Variants in CETP observed in about 807,000 individuals in gnomAD.
CETP encodes the protein BPI fold containing family F.
A neutral mutation model predicts 66.5 loss-of-function variants in CETP; 56 were observed. That is an observed-to-expected ratio of 0.84 (90% CI 0.68 to 1.05). The LOEUF (loss-of-function observed/expected upper bound fraction) is 1.05. Among genes scored for constraint, CETP ranks in the 50% least tolerant of loss-of-function variants. The pLI is 0.00. For missense variants in CETP, 612 were observed against 609.6 expected (o/e 1.00, Z -0.04); for synonymous variants, 251 against 245.7 (o/e 1.02, Z -0.20).
chr16:56,962,599 G>A (rs1273784598), intron 1 of CETP, among the ~76,000 whole-genome samples: 1 of 152,124 alleles, frequency 6.6e-6, no homozygotes, highest in Non-Finnish European at 1.5e-5. Context: ...GGTATAGGGA[G>A]GCTAAATGAT....
At chr16:56,972,375 C>T (rs895192543) in intron 8 of CETP, among the ~76,000 whole-genome samples, 1 of 107,522 alleles carries the variant, frequency 9.3e-6, no homozygotes, top group Non-Finnish European at 2.0e-5. Flanking sequence ...TCCTCTACAG[C>T]AGTGGATTGT....
At position 56,981,243 on chromosome 16, in the gene CETP, G is replaced by A. The variant is rs754973901; in HGVS notation, c.1214+18G>A. The stretch of plus-strand genomic sequence containing the variant: ...GATTTCCAGTATGTGCTGCAGAGAA[G>A]AGAGGGGGCGGTCAACTCCGCAAAC... On this transcript the variant is annotated intron_variant, in intron 12 of 15. Coordinates refer to ENST00000200676, the MANE Select transcript of CETP (RefSeq NM_000078.3). The A allele has an allele frequency of 1.3e-5, 21 of 1,600,090 alleles. No individual in the cohort carries two copies. Among genetic ancestry groups the A allele is most frequent in the African/African-American group, 1.3e-5 (1 of 74,626 alleles).
intron 2 of CETP, among the ~76,000 whole-genome samples, chr16:56,967,347 CAA>C (rs61654639): frequency 7.4e-6 from 1 of 135,762 alleles, no homozygotes; most frequent in East Asian, 2.1e-4. Context: ...TTCTGTCACA[CAA>C]ACAAACAAAC....
intron 11 of CETP, among the ~76,000 whole-genome samples, chr16:56,978,674 C>T (rs1382976130): frequency 6.6e-6 from 1 of 151,894 alleles, no homozygotes; most frequent in Non-Finnish European, 1.5e-5. Context: ...TCCTTAGAGG[C>T]GGGGTCTTGT....
At chr16:56,962,763 T>C (rs2056033364) in intron 1 of CETP, among the ~76,000 whole-genome samples, 1 of 152,086 alleles carries the variant, frequency 6.6e-6, no homozygotes, top group Non-Finnish European at 1.5e-5. Flanking sequence ...GGGGTTCCCA[T>C]GTGTCAGGAT....
intron 10 of CETP, among the ~76,000 whole-genome samples, chr16:56,976,061 C>A (rs1191871969): frequency 6.6e-6 from 1 of 152,240 alleles, no homozygotes; most frequent in Non-Finnish European, 1.5e-5. Flanking sequence ...ATTGGGCAGG[C>A]CCCTGACCGG....
chr16:56,976,772 T>G (rs1265409507), intron 10 of CETP, among the ~76,000 whole-genome samples: 2 of 152,210 alleles, frequency 1.3e-5, no homozygotes, highest in African/African-American at 4.8e-5. Context: ...CTCTGTCGTG[T>G]TTTCCATCTC....
In CETP at chr16:56,963,004, C is replaced by CTT; in HGVS notation, c.119-5_119-4insTT. On this transcript the variant is annotated splice_polypyrimidine_tract_variant and splice_region_variant and intron_variant, in intron 1 of 15. Coordinates refer to ENST00000200676, the MANE Select transcript of CETP (RefSeq NM_000078.3). The stretch of plus-strand genomic sequence containing the variant: ...GCAGCCCCTCATCCACTGCCCTCCC[C>CTT]TCTAGTGAACCACGAGACTGCCAAG... 1 of 1,613,044 alleles carries CTT rather than the reference C, an allele frequency of 6.2e-7. No homozygotes were observed. Among genetic ancestry groups the CTT allele is most frequent in the Admixed American group, 1.7e-5 (1 of 60,012 alleles).
At chr16:56,965,230 G>C (rs932214074) in intron 2 of CETP, among the ~76,000 whole-genome samples, 2 of 152,210 alleles carry the variant, frequency 1.3e-5, no homozygotes, top group African/African-American at 4.8e-5. Context: ...CCATAGACTA[G>C]ATGTCATAGT....
In CETP at chr16:56,981,925, A is replaced by G. The variant is rs181367893; in HGVS notation, c.1249-240A>G. On this transcript the variant is annotated intron_variant, in intron 13 of 15. Coordinates refer to ENST00000200676, the MANE Select transcript of CETP (RefSeq NM_000078.3). ...TTAGGCAGAACAGTACTGGCCAAGCAGCGCCTCCCTGGACCTCAATTTTCC... is the reference window on the plus strand; with the variant it reads ...TTAGGCAGAACAGTACTGGCCAAGCGGCGCCTCCCTGGACCTCAATTTTCC... Among the ~76,000 whole-genome samples the G allele has an allele frequency of 5.1e-4, 77 of 152,292 alleles. 1 individual carries two copies. The highest frequency in any genetic ancestry group is 9.0e-4 in the Non-Finnish European group (61 of 68,022).
chr16:56,966,197 C>T (rs1197098435), intron 2 of CETP, among the ~76,000 whole-genome samples: 6 of 152,240 alleles, frequency 3.9e-5, no homozygotes, highest in African/African-American at 1.4e-4. Flanking sequence ...GAACCAGATT[C>T]CTTCTGGGGG....
chr16:56,970,734 C>T (rs1171070471), intron 5 of CETP, among the ~76,000 whole-genome samples: 1 of 152,202 alleles, frequency 6.6e-6, no homozygotes, highest in African/African-American at 2.4e-5. Flanking sequence ...AGGCCATTTT[C>T]TGACTCTGGA....
intron 2 of CETP, among the ~76,000 whole-genome samples, chr16:56,968,945 G>A (rs1184379317): frequency 6.6e-6 from 1 of 151,720 alleles, no homozygotes; most frequent in Non-Finnish European, 1.5e-5. Context: ...ATTGAGTTGA[G>A]ATCTTTCTCT....
Position 56,977,759 on chromosome 16 carries a change from GGACA to G in CETP, c.982-331_982-328del, listed in dbSNP as rs749076260. Among the ~76,000 whole-genome samples the G allele has an allele frequency of 1.9e-3, 294 of 152,262 alleles. 2 individuals carry two copies. The highest frequency in any genetic ancestry group is 3.9e-3 in the South Asian group (19 of 4,820). ...CACAGATTATCTCATTCCATCCTCA[GGACA>G]ACCCTATGAGGTAGGATCTATGATT... On this transcript the variant is annotated intron_variant, in intron 10 of 15. Transcript: ENST00000200676.
intron 11 of CETP, 118 bp from the exon 12 acceptor site, chr16:56,981,040 G>A (rs377725727): frequency 4.1e-5 from 33 of 806,558 alleles, no homozygotes; most frequent in African/African-American, 2.7e-4. Context: ...CCTGGTTCCC[G>A]TGTCATCCTT....
chr16:56,983,567 T>A, intron 15 of CETP, 25 bp from the exon 16 acceptor site: 1 of 1,613,828 alleles, frequency 6.2e-7, no homozygotes, highest in Middle Eastern at 1.7e-4. Context: ...AGCTCGCCCC[T>A]CTCTCCTACT....
At position 56,971,388 on chromosome 16, in the gene CETP, G is replaced by T. The variant is rs780715695; in HGVS notation, c.658+7G>T. 1 of 1,613,738 alleles carries T rather than the reference G, an allele frequency of 6.2e-7. No homozygotes were observed. ...TTTGTCCAGACAAGGGCTGGTGAGTGCGTTTCTGTCTGCATGCCTCAGAAG... is the reference window on the plus strand; with the variant it reads ...TTTGTCCAGACAAGGGCTGGTGAGTTCGTTTCTGTCTGCATGCCTCAGAAG... On this transcript the variant is annotated splice_region_variant and intron_variant, in intron 7 of 15. Transcript: ENST00000200676.
intron 12 of CETP, 76 bp downstream of exon 12, chr16:56,981,301 C>T (rs1395883261): frequency 4.2e-5 from 51 of 1,227,790 alleles, no homozygotes; most frequent in East Asian, 9.3e-5. Flanking sequence ...AGGCACAGGG[C>T]GGGGTGTTGG....
chr16:56,962,494 G>T, intron 1 of CETP: 1 of 429,058 alleles, frequency 2.3e-6, no homozygotes, highest in Non-Finnish European at 4.6e-6. Flanking sequence ...GTTGCCATGA[G>T]CTCAGGTGAC....
Sources: gnomAD v4.1 joint callset for allele counts (sites outside exome capture counted in the v4.1 genomes callset) on GRCh38, gnomAD v4.1.1 for gene constraint, MANE v1.5 for transcripts, NCBI Gene and HGNC (gene_info 2026-07-23, HGNC 2026-07-21) for gene names.